Variants in PCLO observed in about 807,000 individuals in gnomAD.
PCLO encodes protein piccolo.
PCLO carries 82 observed loss-of-function variants against 427.5 expected under a neutral mutation model. The ratio of observed to expected loss-of-function variants is 0.19; its 90% CI spans 0.16 to 0.23. The LOEUF (loss-of-function observed/expected upper bound fraction) is 0.23, where lower values mean the gene tolerates loss of function less well. Among genes scored for constraint, PCLO ranks in the 10% least tolerant of loss-of-function variants. PCLO has a pLI of 1.00. For synonymous variants in PCLO, 2,357 were observed against 2,155.4 expected (o/e 1.09, Z -2.59); for missense variants, 6,239 against 6,115.9 (o/e 1.02, Z -0.67).
intron 3 of PCLO, among the ~76,000 whole-genome samples, chr7:83,064,446 T>C (rs1173211151): frequency 6.6e-6 from 1 of 151,956 alleles, no homozygotes; most frequent in Non-Finnish European, 1.5e-5. Context: ...GGATTCTCTT[T>C]GAGGATGCAA....
chr7:82,790,171 C>T (rs1469877509), intron 22 of PCLO, among the ~76,000 whole-genome samples: 1 of 152,114 alleles, frequency 6.6e-6, no homozygotes, highest in Non-Finnish European at 1.5e-5. Flanking sequence ...AGTCCCCCAA[C>T]TTCAGATAAG....
chr7:83,147,076 A>T (rs1204954824), intron 2 of PCLO, among the ~76,000 whole-genome samples: 1 of 151,862 alleles, frequency 6.6e-6, no homozygotes, highest in Non-Finnish European at 1.5e-5. Flanking sequence ...AATAAAAAAA[A>T]AAAAGGCTTT....
chr7:83,085,242 G>T (rs1273284640), intron 3 of PCLO, among the ~76,000 whole-genome samples: 1 of 152,030 alleles, frequency 6.6e-6, no homozygotes, highest in Admixed American at 6.6e-5. Context: ...AAAGAAACAT[G>T]TTGTGTAATT....
At chr7:83,068,844 T>C (rs1269311674) in intron 3 of PCLO, among the ~76,000 whole-genome samples, 1 of 152,210 alleles carries the variant, frequency 6.6e-6, no homozygotes, top group Non-Finnish European at 1.5e-5. Context: ...TGCAGCATTA[T>C]TCACAATAGC....
rs56677692 is a variant in PCLO, at chr7:83,017,806, A to G, written c.3301-51319T>C. On this transcript the variant is annotated intron_variant, in intron 3 of 24. Transcript: ENST00000333891. ...ATTATACAACATATAAAGACTTCTGATATAATATTAACTATACAATTTTGA... is the reference window on the plus strand; with the variant it reads ...ATTATACAACATATAAAGACTTCTGGTATAATATTAACTATACAATTTTGA... The G allele has an allele frequency of 4.6e-3, 706 of 152,112 alleles. 4 individuals carry two copies. Among genetic ancestry groups the G allele is most frequent in the African/African-American group, 0.016 (679 of 41,552 alleles). The allele number at this position is 152,112 out of a possible 1,614,324, so 9.4% of individuals were successfully genotyped here.
At chr7:82,825,301 T>A (rs986553989) in intron 18 of PCLO, among the ~76,000 whole-genome samples, 1 of 151,994 alleles carries the variant, frequency 6.6e-6, no homozygotes, top group African/African-American at 2.4e-5. Flanking sequence ...AGACCATAAA[T>A]TAGAAGGACT....
intron 3 of PCLO, among the ~76,000 whole-genome samples, chr7:83,035,108 C>A (rs1305088895): frequency 6.6e-6 from 1 of 152,130 alleles, no homozygotes; most frequent in Non-Finnish European, 1.5e-5. Flanking sequence ...CCATTATTGT[C>A]TCCTGCAAGT....
chr7:82,929,154 T>C (rs1794784303), intron 6 of PCLO, among the ~76,000 whole-genome samples: 2 of 152,158 alleles, frequency 1.3e-5, no homozygotes, highest in African/African-American at 4.8e-5. Context: ...AAGGCCTTTA[T>C]ATAATGACAT....
intron 9 of PCLO, among the ~76,000 whole-genome samples, chr7:82,883,469 T>C (rs1226034875): frequency 6.6e-6 from 1 of 152,176 alleles, no homozygotes; most frequent in Non-Finnish European, 1.5e-5. Flanking sequence ...AGTTTGTTCA[T>C]TAATTCTCAA....
chr7:83,025,325 G>C (rs575395567), intron 3 of PCLO, among the ~76,000 whole-genome samples: 184 of 150,880 alleles, frequency 1.2e-3, no homozygotes, highest in Non-Finnish European at 2.0e-3. Flanking sequence ...CTCAGGAGCC[G>C]ATGCGATCAA....
intron 22 of PCLO, among the ~76,000 whole-genome samples, chr7:82,786,515 T>C (rs969824818): frequency 2.6e-5 from 4 of 152,196 alleles, no homozygotes; most frequent in African/African-American, 9.7e-5. Context: ...TGTTTGCCAT[T>C]ACAACAATTC....
intron 9 of PCLO, among the ~76,000 whole-genome samples, chr7:82,889,857 A>C (rs1447203799): frequency 6.6e-6 from 1 of 152,088 alleles, no homozygotes; most frequent in Non-Finnish European, 1.5e-5. Context: ...TACCATATTA[A>C]AGATATGTAT....
intron 21 of PCLO, among the ~76,000 whole-genome samples, chr7:82,802,805 T>G (rs1791384821): frequency 6.6e-6 from 1 of 152,164 alleles, no homozygotes; most frequent in Admixed American, 6.5e-5. Context: ...ACTTGAAAAC[T>G]GCTCTAAAGG....
At chr7:82,895,466 G>A (rs1022616318) in intron 9 of PCLO, among the ~76,000 whole-genome samples, 5 of 151,524 alleles carry the variant, frequency 3.3e-5, no homozygotes, top group East Asian at 1.9e-4. Context: ...AGATATAGAT[G>A]ATATTTAGAC....
chr7:83,038,554 G>A (rs998981315), intron 3 of PCLO, among the ~76,000 whole-genome samples: 1 of 151,920 alleles, frequency 6.6e-6, no homozygotes, highest in African/African-American at 2.4e-5. Context: ...TTTTGCTTGT[G>A]TAAGTACTTT....
chr7:82,902,450 T>C (rs983410338), intron 9 of PCLO, among the ~76,000 whole-genome samples: 8 of 151,792 alleles, frequency 5.3e-5, no homozygotes, highest in Admixed American at 1.3e-4. Flanking sequence ...GGGGGAGGGA[T>C]AGCATTAGGA....
intron 20 of PCLO, 93 bp downstream of exon 20, chr7:82,822,402 A>G (rs1791815858): frequency 6.2e-7 from 1 of 1,605,564 alleles, no homozygotes; most frequent in Non-Finnish European, 8.5e-7. Context: ...GAGGATGTTG[A>G]AAACTGAAAG....
At chr7:82,768,283 C>G (rs1790574143) in intron 22 of PCLO, among the ~76,000 whole-genome samples, 1 of 151,868 alleles carries the variant, frequency 6.6e-6, no homozygotes, top group African/African-American at 2.4e-5. Flanking sequence ...ATTAGCCAGG[C>G]CTGGTGGCGT....
chr7:82,863,710 T>C (rs970119196), intron 10 of PCLO, among the ~76,000 whole-genome samples: 6 of 152,048 alleles, frequency 3.9e-5, no homozygotes, highest in Non-Finnish European at 5.9e-5. Context: ...AGCTTTCTAA[T>C]ATTCATGTAG....
Sources: gnomAD v4.1 joint callset for allele counts (sites outside exome capture counted in the v4.1 genomes callset) on GRCh38, gnomAD v4.1.1 for gene constraint, MANE v1.5 for transcripts, NCBI Gene and HGNC (gene_info 2026-07-23, HGNC 2026-07-21) for gene names.